The following MACROD2 variants were observed in gnomAD, a reference collection of about 807,000 sequenced individuals.
The protein encoded by MACROD2 is ADP-ribose glycohydrolase MACROD2.
MACROD2 carries 36 observed loss-of-function variants against 70.4 expected under a neutral mutation model. The observed-to-expected ratio is 0.51, with a 90% CI of 0.39 to 0.68. The LOEUF is 0.68. MACROD2 is among the 30% of genes least tolerant of loss of function. MACROD2 has a pLI of 0.00. For synonymous variants in MACROD2, 172 were observed against 178.8 expected (o/e 0.96, Z 0.30); for missense variants, 496 against 538.4 (o/e 0.92, Z 0.78).
chr20:15,544,060 T>C lies in MACROD2; in HGVS notation c.645+44213T>C, dbSNP rs564881095. On this transcript the variant is annotated intron_variant, in intron 8 of 17. Transcript: ENST00000684519. ...CTGTGGGGAAGTACAGTAAAGTCCC[T>C]GAGGGAAAGGATGTGGATACAGAGT... Among the ~76,000 whole-genome samples the C allele has an allele frequency of 3.9e-5, 6 of 152,280 alleles. 1 individual carries two copies. The South Asian group carries it at 1.2e-3, about 32-fold the overall frequency.
chr20:15,503,562 AG>A (rs1285878705), intron 8 of MACROD2, among the ~76,000 whole-genome samples: 1 of 152,242 alleles, frequency 6.6e-6, no homozygotes, highest in East Asian at 1.9e-4. Context: ...GGAACTAGAG[AG>A]GGGTCTCATG....
At chr20:15,344,265 T>C (rs1479548477) in intron 6 of MACROD2, among the ~76,000 whole-genome samples, 2 of 152,164 alleles carry the variant, frequency 1.3e-5, no homozygotes, top group Non-Finnish European at 2.9e-5. Context: ...TACTAGTTCA[T>C]GCTCTTTTCT....
intron 5 of MACROD2, among the ~76,000 whole-genome samples, chr20:14,707,568 C>A (rs1427040888): frequency 1.3e-5 from 2 of 152,218 alleles, no homozygotes; most frequent in African/African-American, 4.8e-5. Flanking sequence ...AGTGTGTTTC[C>A]TCTATGAGGC....
At chr20:14,377,621 G>A (rs374206212) in intron 3 of MACROD2, among the ~76,000 whole-genome samples, 204 of 152,304 alleles carry the variant, frequency 1.3e-3, no homozygotes, top group Admixed American at 4.6e-3. Context: ...ATTTCTTCAC[G>A]TGCAGATCTT....
At chr20:14,075,268 C>A (rs2053902957) in intron 2 of MACROD2, among the ~76,000 whole-genome samples, 1 of 152,202 alleles carries the variant, frequency 6.6e-6, no homozygotes. Context: ...TGTCGCATCT[C>A]AATCTGCAAA....
intron 3 of MACROD2, among the ~76,000 whole-genome samples, chr20:14,117,065 CA>C (rs11470818): frequency 0.88 from 114,684 of 131,006 alleles, 50,262 homozygotes; most frequent in East Asian, 0.94. Context: ...GACTCCATCT[CA>C]AAAAAAAAAA....
intron 3 of MACROD2, among the ~76,000 whole-genome samples, chr20:14,217,758 C>T (rs2081635707): frequency 6.6e-6 from 1 of 151,878 alleles, no homozygotes; most frequent in Non-Finnish European, 1.5e-5. Context: ...TTTCCAGGAA[C>T]TTATCTGTGT....
chr20:15,608,480 A>G (rs2048923783), intron 8 of MACROD2, among the ~76,000 whole-genome samples: 1 of 152,148 alleles, frequency 6.6e-6, no homozygotes. Flanking sequence ...ACCTAGACCA[A>G]CCTGCATCAA....
chr20:15,426,893 A>G (rs1335533966), intron 6 of MACROD2, among the ~76,000 whole-genome samples: 1 of 152,104 alleles, frequency 6.6e-6, no homozygotes, highest in Admixed American at 6.5e-5. Context: ...ATCTCATGCT[A>G]CTCACTTCTG....
At chr20:15,313,375 C>T (rs902054352) in intron 6 of MACROD2, among the ~76,000 whole-genome samples, 25 of 151,792 alleles carry the variant, frequency 1.6e-4, no homozygotes, top group East Asian at 7.7e-4. Context: ...GGCATGGTGG[C>T]GGGCGCCTGT....
intron 5 of MACROD2, among the ~76,000 whole-genome samples, chr20:15,221,812 C>T (rs1017010121): frequency 3.3e-5 from 5 of 152,156 alleles, no homozygotes; most frequent in African/African-American, 9.7e-5. Flanking sequence ...CATGATGCCC[C>T]AAACATAATA....
At chr20:15,180,703 C>A (rs1237356033) in intron 5 of MACROD2, among the ~76,000 whole-genome samples, 1 of 152,310 alleles carries the variant, frequency 6.6e-6, no homozygotes, top group East Asian at 1.9e-4. Context: ...ACAGGCCAGA[C>A]TGGTGTCAAA....
At chr20:15,802,401 G>A (rs1055813113) in intron 8 of MACROD2, among the ~76,000 whole-genome samples, 1 of 152,102 alleles carries the variant, frequency 6.6e-6, no homozygotes, top group Non-Finnish European at 1.5e-5. Flanking sequence ...TTATAATGAA[G>A]GGATGTTGGA....
chr20:14,285,050 C>T (rs1345284425), intron 3 of MACROD2, among the ~76,000 whole-genome samples: 1 of 151,810 alleles, frequency 6.6e-6, no homozygotes, highest in Admixed American at 6.6e-5. Context: ...TAGTAACCAA[C>T]AAAGCCCAGA....
intron 8 of MACROD2, among the ~76,000 whole-genome samples, chr20:15,707,646 G>A (rs1210481503): frequency 6.6e-6 from 1 of 152,028 alleles, no homozygotes. Flanking sequence ...AGCTGAGCGT[G>A]GTGGCGGGTG....
At chr20:15,501,604 C>A (rs1022011180) in intron 8 of MACROD2, among the ~76,000 whole-genome samples, 1 of 152,032 alleles carries the variant, frequency 6.6e-6, no homozygotes, top group Non-Finnish European at 1.5e-5. Context: ...TTTTATTTTT[C>A]TGCTAATTTC....
rs1255215664 is a variant in MACROD2, at chr20:15,135,988, G to A, written c.419-93952G>A. On this transcript the variant is annotated intron_variant, in intron 5 of 17. Coordinates refer to ENST00000684519, the MANE Select transcript of MACROD2 (RefSeq NM_001351661.2). ...TGCTTCAAAGAGAATAACATACCTA[G>A]GAATCCAACTTACAAGGGATGTGAA... 1.6e-4 allele frequency among the ~76,000 whole-genome samples: 24 copies of A among 148,032 alleles called. No individual in the cohort carries two copies. In the South Asian group the frequency reaches 5.2e-3, roughly 32 times the overall value.
At chr20:14,181,445 G>A (rs1234174017) in intron 3 of MACROD2, among the ~76,000 whole-genome samples, 2 of 151,872 alleles carry the variant, frequency 1.3e-5, no homozygotes, top group Non-Finnish European at 2.9e-5. Flanking sequence ...GCTAAGCACT[G>A]ATTATTTTTT....
At chr20:15,030,434 T>C (rs2075265670) in intron 5 of MACROD2, among the ~76,000 whole-genome samples, 3 of 152,314 alleles carry the variant, frequency 2.0e-5, no homozygotes, top group Middle Eastern at 6.8e-3. Flanking sequence ...TAACTACTCC[T>C]GCTTAATTGC....
Sources: gnomAD v4.1 joint callset for allele counts (sites outside exome capture counted in the v4.1 genomes callset) on GRCh38, gnomAD v4.1.1 for gene constraint, MANE v1.5 for transcripts, NCBI Gene and HGNC (gene_info 2026-07-23, HGNC 2026-07-21) for gene names.